The following TRPM1 variants were observed in gnomAD, a reference collection of about 807,000 sequenced individuals.
TRPM1 encodes TRPM1-203 APA Isoform, Intron 10.
Under a neutral mutation model 149.4 loss-of-function variants are expected in TRPM1, and 113 were observed. The ratio of observed to expected loss-of-function variants is 0.76; its 90% confidence interval spans 0.65 to 0.88. TRPM1 has a LOEUF of 0.88. TRPM1 is among the 40% of genes least tolerant of loss of function. The pLI, the probability that TRPM1 is intolerant of heterozygous loss-of-function variation, is 0.00. For missense variants in TRPM1, 1,976 were observed against 2,038.7 expected (o/e 0.97, Z 0.59); for synonymous variants, 741 against 759.5 (o/e 0.98, Z 0.40).
At chr15:31,017,362 T>C (rs1173902730) in intron 27 of TRPM1, among the ~76,000 whole-genome samples, 1 of 152,186 alleles carries the variant, frequency 6.6e-6, no homozygotes, top group African/African-American at 2.4e-5. Flanking sequence ...CAACTGATAT[T>C]ACATGTCATG....
At position 31,037,552 on chromosome 15, in the gene TRPM1, T is replaced by C. The variant is rs115319264; in HGVS notation, c.2571+159A>G. ...GTGACAGGATATCGAGATCCAATGTTAGCCAGAGATCTCAATTAGTCCCAG... is the reference window on the plus strand; with the variant it reads ...GTGACAGGATATCGAGATCCAATGTCAGCCAGAGATCTCAATTAGTCCCAG... On this transcript the variant is annotated intron_variant, in intron 20 of 27. Transcript: ENST00000256552. 3.6e-3 allele frequency among the ~76,000 whole-genome samples: 553 copies of C among 152,348 alleles called. 4 individuals carry two copies. The highest frequency in any genetic ancestry group is 0.012 in the African/African-American group (514 of 41,580).
intron 1 of TRPM1, among the ~76,000 whole-genome samples, chr15:31,113,932 TG>T: frequency 6.6e-6 from 1 of 151,286 alleles, no homozygotes; most frequent in Non-Finnish European, 1.5e-5. Context: ...TATTTGGCCC[TG>T]CCCATGTCCT....
At chr15:31,046,090 A>G (rs990065778) in intron 16 of TRPM1, 114 bp downstream of exon 16, 1 of 931,788 alleles carries the variant, frequency 1.1e-6, no homozygotes, top group African/African-American at 1.6e-5. Context: ...TTTGACTAAG[A>G]CATCTAGGTA....
chr15:31,116,117 G>A lies in TRPM1; in HGVS notation c.55-39133C>T, dbSNP rs571664782. Among the ~76,000 whole-genome samples the A allele has an allele frequency of 2.6e-5, 4 of 152,232 alleles. No homozygotes were observed. In the South Asian group the frequency reaches 8.3e-4, roughly 32 times the overall value. On this transcript the variant is annotated intron_variant, in intron 1 of 26. Transcript: ENST00000542188. ...TAATTTTGGCAGGGACACAAACATT[G>A]AAGCCATAGCAGAGCCTAACCAATG... is the stretch of plus-strand genomic sequence containing the variant.
intron 16 of TRPM1, among the ~76,000 whole-genome samples, chr15:31,043,296 C>T (rs901820339): frequency 7.9e-5 from 12 of 152,324 alleles, no homozygotes; most frequent in Non-Finnish European, 1.3e-4. Context: ...CGGGTTCATG[C>T]CATTCTCCTG....
At chr15:31,060,496 T>A in intron 11 of TRPM1, 48 bp downstream of exon 11, 2 of 1,508,016 alleles carry the variant, frequency 1.3e-6, no homozygotes. Context: ...ATAGGTCACT[T>A]GTACAAAGTC....
rs1296925292 is a variant in TRPM1 at position 31,049,565 on chromosome 15, G to C, written c.1438-56C>G. 12 of 1,604,868 alleles carry C rather than the reference G, an allele frequency of 7.5e-6. No homozygotes were observed. In the South Asian group the frequency reaches 1.2e-4, roughly 16 times the overall value. On this transcript the variant is annotated intron_variant, in intron 12 of 27. Transcript: ENST00000256552. Reference sequence around the variant, plus strand: ...GTGGCCTCTCAGAGACACAGGGGAGGGGGGCGACTGGAAACACAGAGGAAA... The same window carrying C: ...GTGGCCTCTCAGAGACACAGGGGAGCGGGGCGACTGGAAACACAGAGGAAA...
upstream of TRPM1, among the ~76,000 whole-genome samples, chr15:31,103,940 G>A (rs1263942130): frequency 1.3e-5 from 2 of 152,152 alleles, no homozygotes; most frequent in African/African-American, 2.4e-5. Context: ...AGCTGCAGCT[G>A]TGGGGAAAAG....
At chr15:31,088,667 T>C (rs1189345558) in intron 1 of TRPM1, among the ~76,000 whole-genome samples, 2 of 152,172 alleles carry the variant, frequency 1.3e-5, no homozygotes, top group African/African-American at 2.4e-5. Flanking sequence ...CGGACTAGGA[T>C]GGGCATTTCA....
intron 27 of TRPM1, among the ~76,000 whole-genome samples, chr15:31,016,147 A>G (rs545124005): frequency 6.6e-6 from 1 of 152,322 alleles, no homozygotes; most frequent in Non-Finnish European, 1.5e-5. Context: ...TTTAGGCATG[A>G]TTTAATTAGA....
intron 1 of TRPM1, among the ~76,000 whole-genome samples, chr15:31,113,175 C>T (rs12907809): frequency 0.48 from 72,435 of 151,916 alleles, 17,634 homozygotes; most frequent in East Asian, 0.72. Flanking sequence ...AAACTCACCA[C>T]GGCCCACCTT....
chr15:31,028,951 G>A (rs375275832), intron 24 of TRPM1, among the ~76,000 whole-genome samples: 1 of 151,956 alleles, frequency 6.6e-6, no homozygotes, highest in Non-Finnish European at 1.5e-5. Flanking sequence ...GAAAGTCATT[G>A]TGGCTTCTAA....
intron 11 of TRPM1, among the ~76,000 whole-genome samples, chr15:31,053,640 G>A (rs967228331): frequency 6.6e-6 from 1 of 152,192 alleles, no homozygotes; most frequent in African/African-American, 2.4e-5. Flanking sequence ...CCTGTGCACT[G>A]TGGGTGGAAA....
chr15:31,102,298 G>A (rs77127954), upstream of TRPM1, among the ~76,000 whole-genome samples: 2,972 of 152,278 alleles, frequency 0.02, 93 homozygotes, highest in African/African-American at 0.065. Flanking sequence ...AAACCACCAC[G>A]GTGGGAGCTC....
At chr15:31,077,997 G>A (rs1337039825) in intron 2 of TRPM1, among the ~76,000 whole-genome samples, 1 of 152,068 alleles carries the variant, frequency 6.6e-6, no homozygotes, top group African/African-American at 2.4e-5. Context: ...TATGTCTGTG[G>A]GGAGCTTGTG....
At chr15:31,125,512 C>G (rs1027173966) in intron 1 of TRPM1, among the ~76,000 whole-genome samples, 2 of 151,368 alleles carry the variant, frequency 1.3e-5, no homozygotes, top group Middle Eastern at 3.4e-3. Context: ...GGGCGGATCA[C>G]GAGGTCAGGA....
chr15:31,060,523 A>G lies in TRPM1; in HGVS notation c.1263+21T>C, dbSNP rs200269953. On this transcript the variant is annotated intron_variant, in intron 11 of 27. Coordinates refer to ENST00000256552, the MANE Select transcript of TRPM1 (RefSeq NM_001252024.2). ...TACAAAGTCAAGATCAATGATATGA[A>G]TCGAAAAAAAACAGTTTCACCGGCC... The G allele has an allele frequency of 3.7e-6, 6 of 1,600,310 alleles. No individual in the cohort carries two copies. The Admixed American group carries it at 5.0e-5, about 13-fold the overall frequency.
intron 1 of TRPM1, among the ~76,000 whole-genome samples, chr15:31,135,755 T>C (rs1179179580): frequency 6.6e-6 from 1 of 152,070 alleles, no homozygotes; most frequent in Non-Finnish European, 1.5e-5. Flanking sequence ...GCCTGGCACC[T>C]CTCTCCTTTA....
chr15:31,041,881 C>T (rs898400273), intron 17 of TRPM1, 70 bp downstream of exon 17: 11 of 1,557,132 alleles, frequency 7.1e-6, no homozygotes, highest in African/African-American at 1.4e-5. Flanking sequence ...CATTGGCCAC[C>T]CCTCCCTGCA....
Sources: allele counts gnomAD v4.1 joint callset (sites outside exome capture counted in the v4.1 genomes callset), GRCh38; gene constraint gnomAD v4.1.1; transcripts MANE v1.5; gene names NCBI Gene and HGNC (gene_info 2026-07-23, HGNC 2026-07-21).